The following PRR16 variants were observed in gnomAD, a reference collection of about 807,000 sequenced individuals.
PRR16 encodes proline rich 16.
A neutral mutation model predicts 18.2 loss-of-function variants in PRR16; 6 were observed. The observed-to-expected ratio is 0.33, with a 90% CI of 0.18 to 0.65. The LOEUF (loss-of-function observed/expected upper bound fraction) is 0.65, where lower values mean the gene tolerates loss of function less well. PRR16 is among the 30% of genes least tolerant of loss of function. The probability of loss-of-function intolerance (pLI) is 0.74; values close to 1 mark genes in which losing one functional copy is unlikely to be tolerated. For missense variants in PRR16, 412 were observed against 376.6 expected, an observed-to-expected ratio of 1.09 and a Z score of -0.78; for synonymous variants, 151 against 147.8, an observed-to-expected ratio of 1.02 and a Z score of -0.16.
chr5:120,571,934 G>A (rs74489068), intron 1 of PRR16, among the ~76,000 whole-genome samples: 1 of 152,100 alleles, frequency 6.6e-6, no homozygotes, highest in East Asian at 1.9e-4. Flanking sequence ...TAGAAGGTCA[G>A]ACTCAGGTGA....
At chr5:120,580,249 C>G (rs1471742161) in intron 1 of PRR16, among the ~76,000 whole-genome samples, 1 of 151,968 alleles carries the variant, frequency 6.6e-6, no homozygotes, top group East Asian at 1.9e-4. Context: ...TTGCTCTGGC[C>G]AGAACTTCCA....
chr5:120,760,752 G>C, the PRR16 span, among the ~76,000 whole-genome samples: 3 of 152,060 alleles, frequency 2.0e-5, no homozygotes, highest in Non-Finnish European at 4.4e-5. Context: ...ATATCAAATA[G>C]GAATTTAGTG....
the PRR16 span, among the ~76,000 whole-genome samples, chr5:120,709,523 A>T: frequency 6.6e-6 from 1 of 152,088 alleles, no homozygotes; most frequent in Non-Finnish European, 1.5e-5. Flanking sequence ...TTTTTTAAAT[A>T]TACAATGAAT....
the PRR16 span, among the ~76,000 whole-genome samples, chr5:120,768,004 C>T: frequency 6.6e-6 from 1 of 151,886 alleles, no homozygotes. Flanking sequence ...ATGCAACCAT[C>T]ACCACAATCT....
At chr5:120,764,417 C>T in the PRR16 span, among the ~76,000 whole-genome samples, 2 of 151,782 alleles carry the variant, frequency 1.3e-5, no homozygotes, top group Non-Finnish European at 2.9e-5. Context: ...CCCACTTGAT[C>T]ATTATTTAAT....
intron 1 of PRR16, among the ~76,000 whole-genome samples, chr5:120,546,402 T>G (rs1409793747): frequency 1.3e-5 from 2 of 152,118 alleles, no homozygotes; most frequent in Non-Finnish European, 2.9e-5. Flanking sequence ...CTCTCCCCAG[T>G]ACCTCAACAG....
chr5:120,535,315 C>T (rs1407012998), intron 1 of PRR16, among the ~76,000 whole-genome samples: 1 of 152,126 alleles, frequency 6.6e-6, no homozygotes, highest in Non-Finnish European at 1.5e-5. Context: ...TTCTTGTGTA[C>T]CCAAATTCCT....
chr5:120,788,277 A>G, the PRR16 span, among the ~76,000 whole-genome samples: 15 of 152,170 alleles, frequency 9.9e-5, no homozygotes, highest in African/African-American at 2.9e-4. Context: ...TGATGAATCA[A>G]TATTTTTAAA....
chr5:120,624,562 A>G (rs1754798986), intron 1 of PRR16, among the ~76,000 whole-genome samples: 1 of 152,184 alleles, frequency 6.6e-6, no homozygotes, highest in African/African-American at 2.4e-5. Context: ...TAGCTGTGTG[A>G]CACTGATCAA....
the PRR16 span, among the ~76,000 whole-genome samples, chr5:120,756,344 G>A: frequency 6.6e-6 from 1 of 152,026 alleles, no homozygotes; most frequent in African/African-American, 2.4e-5. Context: ...GTGTGAATTG[G>A]CCTTAGGTTC....
At chr5:120,695,421 T>C in the PRR16 span, among the ~76,000 whole-genome samples, 3 of 152,214 alleles carry the variant, frequency 2.0e-5, no homozygotes, top group Non-Finnish European at 2.9e-5. Context: ...CTCATTTTTT[T>C]AAATCTAAGT....
At position 120,667,134 on chromosome 5, in the gene PRR16, C is replaced by A. The variant is rs942376289; in HGVS notation, c.160-18820C>A. On this transcript the variant is annotated intron_variant, in intron 1 of 1. Coordinates refer to ENST00000407149, the MANE Select transcript of PRR16 (RefSeq NM_001300783.2). ...AGCTATTGATTATTGCCACAATTTC[C>A]GATCCTGTTATTGGTCTCTTCAGAG... is the stretch of plus-strand genomic sequence containing the variant. Among the ~76,000 whole-genome samples, 329 of 152,196 alleles carry A rather than the reference C, an allele frequency of 2.2e-3. 1 individual carries two copies. Among genetic ancestry groups the A allele is most frequent in the African/African-American group, 6.8e-3 (281 of 41,528 alleles).
chr5:120,786,603 GTAAT>G, the PRR16 span, among the ~76,000 whole-genome samples: 1 of 149,152 alleles, frequency 6.7e-6, no homozygotes, highest in African/African-American at 2.4e-5. Flanking sequence ...AAAAATGTGT[GTAAT>G]TAAAATATAT....
intron 1 of PRR16, among the ~76,000 whole-genome samples, chr5:120,575,035 C>G (rs955895934): frequency 1.3e-5 from 2 of 149,392 alleles, no homozygotes; most frequent in Admixed American, 6.6e-5. Flanking sequence ...ATTCATATAA[C>G]TTTTATTATA....
intron 1 of PRR16, among the ~76,000 whole-genome samples, chr5:120,493,039 C>T (rs1750118477): frequency 6.6e-6 from 1 of 152,140 alleles, no homozygotes; most frequent in Non-Finnish European, 1.5e-5. Flanking sequence ...GTGTCTTTTT[C>T]ATATAATGAC....
rs201880111 is a variant in PRR16, at chr5:120,476,165, C to CT, written c.159+11523dup. 3.6e-4 allele frequency among the ~76,000 whole-genome samples: 55 copies of CT among 152,256 alleles called. No homozygotes were observed. In the East Asian group the frequency reaches 9.7e-3, roughly 27 times the overall value. On this transcript the variant is annotated intron_variant, in intron 1 of 1. Transcript: ENST00000407149. ...CCAGATTAATCTAATGTACTGCTTT[C>CT]TTTGGGCCAGTCCCCTGCTTAAAAG...
At chr5:120,510,496 T>C (rs952836537) in intron 1 of PRR16, among the ~76,000 whole-genome samples, 1 of 152,212 alleles carries the variant, frequency 6.6e-6, no homozygotes, top group African/African-American at 2.4e-5. Flanking sequence ...TATTTTGCAC[T>C]TCCTATCATT....
At chr5:120,578,643 A>G (rs892623210) in intron 1 of PRR16, among the ~76,000 whole-genome samples, 1 of 152,260 alleles carries the variant, frequency 6.6e-6, no homozygotes, top group South Asian at 2.1e-4. Flanking sequence ...TATCCAGTCT[A>G]TCATTGATGG....
intron 1 of PRR16, among the ~76,000 whole-genome samples, chr5:120,641,861 T>A (rs1480170201): frequency 2.0e-5 from 3 of 152,230 alleles, no homozygotes; most frequent in South Asian, 2.1e-4. Flanking sequence ...TTTATCTGGA[T>A]GTCCTTAGGA....
Sources: allele counts gnomAD v4.1 joint callset (sites outside exome capture counted in the v4.1 genomes callset), GRCh38; gene constraint gnomAD v4.1.1; transcripts MANE v1.5; gene names NCBI Gene and HGNC (gene_info 2026-07-23, HGNC 2026-07-21).